Variants in BABAM2 observed in about 807,000 individuals in gnomAD.
BABAM2 encodes BRISC and BRCA1-A complex member 2.
Under a neutral mutation model 54.7 loss-of-function variants are expected in BABAM2, and 31 were observed. The ratio of observed to expected loss-of-function variants is 0.57; its 90% CI spans 0.43 to 0.77. The LOEUF (loss-of-function observed/expected upper bound fraction) is 0.77. Ranked by LOEUF, BABAM2 falls within the 30% of genes least tolerant of loss-of-function variation. The pLI is 0.00. For missense variants in BABAM2, 364 were observed against 455.8 expected, an observed-to-expected ratio of 0.80 and a Z score of 1.83; for synonymous variants, 167 against 162.9, an observed-to-expected ratio of 1.03 and a Z score of -0.19.
At chr2:28,204,079 C>T (rs1293169326) in intron 7 of BABAM2, among the ~76,000 whole-genome samples, 1 of 152,036 alleles carries the variant, frequency 6.6e-6, no homozygotes, top group Admixed American at 6.6e-5. Flanking sequence ...ATTTAAGCTT[C>T]CCCTTCTATT....
intron 3 of BABAM2, among the ~76,000 whole-genome samples, chr2:27,986,828 T>A (rs1392468261): frequency 6.6e-6 from 1 of 152,178 alleles, no homozygotes; most frequent in Non-Finnish European, 1.5e-5. Context: ...TATACATATT[T>A]TTATACATTA....
intron 6 of BABAM2, among the ~76,000 whole-genome samples, chr2:28,097,074 G>A (rs1037795234): frequency 2.0e-5 from 3 of 152,200 alleles, no homozygotes; most frequent in African/African-American, 7.2e-5. Flanking sequence ...GAAGGTGACA[G>A]TACTGGATAA....
At chr2:27,920,434 T>C (rs1028607961) in intron 2 of BABAM2, among the ~76,000 whole-genome samples, 8 of 152,196 alleles carry the variant, frequency 5.3e-5, no homozygotes, top group African/African-American at 1.7e-4. Flanking sequence ...ACCATGATAA[T>C]TTTTGAAACT....
intron 10 of BABAM2, among the ~76,000 whole-genome samples, chr2:28,288,965 T>G (rs567517396): frequency 6.0e-5 from 9 of 150,718 alleles, no homozygotes; most frequent in East Asian, 3.9e-4. Context: ...GGTTGTTGTT[T>G]TTTTTTTTTT....
intron 9 of BABAM2, among the ~76,000 whole-genome samples, chr2:28,242,940 G>A (rs1682580207): frequency 6.6e-6 from 1 of 151,976 alleles, no homozygotes; most frequent in Non-Finnish European, 1.5e-5. Flanking sequence ...TTATTTTTAA[G>A]TAAGATTATC....
At chr2:27,954,468 A>C (rs762882163) in intron 3 of BABAM2, among the ~76,000 whole-genome samples, 3 of 152,186 alleles carry the variant, frequency 2.0e-5, no homozygotes, top group Non-Finnish European at 4.4e-5. Context: ...TCCCTTTATA[A>C]AGGTGAAATA....
At chr2:27,983,837 T>A (rs1296971583) in intron 3 of BABAM2, among the ~76,000 whole-genome samples, 1 of 151,848 alleles carries the variant, frequency 6.6e-6, no homozygotes, top group East Asian at 1.9e-4. Flanking sequence ...TGTTTATTAG[T>A]TCTCATTGTT....
chr2:28,196,599 T>C (rs1021107282), intron 7 of BABAM2, among the ~76,000 whole-genome samples: 1 of 152,056 alleles, frequency 6.6e-6, no homozygotes, highest in African/African-American at 2.4e-5. Context: ...GCCCAGCACT[T>C]TGGGAGGCTG....
At chr2:27,986,470 A>G (rs1163251694) in intron 3 of BABAM2, among the ~76,000 whole-genome samples, 1 of 152,132 alleles carries the variant, frequency 6.6e-6, no homozygotes, top group African/African-American at 2.4e-5. Flanking sequence ...GGGGCTGTTA[A>G]CAGTAGGAAA....
chr2:28,036,249 A>G (rs1676650777), intron 5 of BABAM2, among the ~76,000 whole-genome samples: 1 of 152,210 alleles, frequency 6.6e-6, no homozygotes, highest in South Asian at 2.1e-4. Flanking sequence ...GGCAAAAGAC[A>G]AAAAGAATCC....
chr2:28,164,571 CT>C (rs1395689365), intron 7 of BABAM2, among the ~76,000 whole-genome samples: 1 of 151,524 alleles, frequency 6.6e-6, no homozygotes, highest in Non-Finnish European at 1.5e-5. Flanking sequence ...TAATTATTCC[CT>C]TTTGCTGCCT....
At chr2:28,181,775 A>G (rs1257579613) in intron 7 of BABAM2, among the ~76,000 whole-genome samples, 2 of 151,688 alleles carry the variant, frequency 1.3e-5, no homozygotes, top group Non-Finnish European at 2.9e-5. Context: ...AAAAATATGC[A>G]CCAATAAAAT....
chr2:28,176,430 C>T (rs572478637), intron 7 of BABAM2, among the ~76,000 whole-genome samples: 11 of 151,502 alleles, frequency 7.3e-5, no homozygotes, highest in African/African-American at 2.7e-4. Flanking sequence ...ATTAGCTGAG[C>T]ATGGTGGCGC....
At chr2:27,913,347 GA>G (rs1415367552) in intron 2 of BABAM2, among the ~76,000 whole-genome samples, 1 of 152,138 alleles carries the variant, frequency 6.6e-6, no homozygotes, top group Admixed American at 6.6e-5. Flanking sequence ...CACGATTCTA[GA>G]AAGATTTCTG....
intron 7 of BABAM2, among the ~76,000 whole-genome samples, chr2:28,159,678 G>A (rs927515862): frequency 1.1e-4 from 17 of 152,188 alleles, no homozygotes; most frequent in Admixed American, 6.5e-4. Flanking sequence ...TCAGGAGTTC[G>A]AGACCAGCCT....
intron 3 of BABAM2, among the ~76,000 whole-genome samples, chr2:27,939,009 A>G (rs997037056): frequency 7.2e-5 from 11 of 151,866 alleles, no homozygotes; most frequent in South Asian, 6.2e-4. Flanking sequence ...CTGGAGTGCA[A>G]TGTAGCAATC....
intron 6 of BABAM2, among the ~76,000 whole-genome samples, chr2:28,125,491 C>T (rs1470173862): frequency 6.6e-6 from 1 of 151,928 alleles, no homozygotes; most frequent in East Asian, 1.9e-4. Context: ...ATGGGGTTTA[C>T]CGTGTTGGCC....
At chr2:27,980,452 C>T (rs772435012) in intron 3 of BABAM2, among the ~76,000 whole-genome samples, 17 of 152,240 alleles carry the variant, frequency 1.1e-4, no homozygotes, top group Admixed American at 4.6e-4. Flanking sequence ...CACATCTGTG[C>T]GTTGTGGGTT....
intron 7 of BABAM2, among the ~76,000 whole-genome samples, chr2:28,199,496 A>G (rs1218295804): frequency 6.6e-6 from 1 of 152,230 alleles, no homozygotes; most frequent in Non-Finnish European, 1.5e-5. Context: ...CTTGGCAAAT[A>G]CTAAGCACTC....
Sources: allele counts gnomAD v4.1 joint callset (sites outside exome capture counted in the v4.1 genomes callset), GRCh38; gene constraint gnomAD v4.1.1; transcripts MANE v1.5; gene names NCBI Gene and HGNC (gene_info 2026-07-23, HGNC 2026-07-21).